CALN1: variants seen among roughly 807,000 people sequenced by gnomAD.
CALN1 encodes the protein calneuron 1, also known as calcium-binding protein 8.
In CALN1, 17 loss-of-function variants were observed where a neutral mutation model predicts 30.6. The ratio of observed to expected loss-of-function variants is 0.56; its 90% CI spans 0.38 to 0.83. CALN1 has a LOEUF of 0.83. CALN1 is among the 40% of genes least tolerant of loss of function. CALN1 has a pLI of 0.00. For synonymous variants in CALN1, 156 were observed against 131.4 expected (o/e 1.19, Z -1.28); for missense variants, 291 against 354.9 (o/e 0.82, Z 1.45).
At chr7:72,063,209 G>C (rs991109241) in intron 4 of CALN1, among the ~76,000 whole-genome samples, 1 of 152,132 alleles carries the variant, frequency 6.6e-6, no homozygotes, top group Non-Finnish European at 1.5e-5. Context: ...AAAATTCACA[G>C]AACGGTACAC....
chr7:71,788,494 T>TG (rs1793114665), intron 6 of CALN1, among the ~76,000 whole-genome samples: 1 of 146,388 alleles, frequency 6.8e-6, no homozygotes. Context: ...TTTTGTTGTT[T>TG]TTTTTTTTTT....
the CALN1 span, among the ~76,000 whole-genome samples, chr7:72,480,876 G>T: frequency 1.3e-5 from 2 of 151,930 alleles, no homozygotes; most frequent in Non-Finnish European, 2.9e-5. Flanking sequence ...AATCTCTAAC[G>T]ATGTCACCTC....
chr7:72,377,660 G>A lies in CALN1; in HGVS notation c.119+25591C>T, dbSNP rs74517725. ...AGTCTGTATTATTTGTCGTATGTGGGCATTGACAACTTTGTTCAGTTAGCT... is the reference window on the plus strand; with the variant it reads ...AGTCTGTATTATTTGTCGTATGTGGACATTGACAACTTTGTTCAGTTAGCT... On this transcript the variant is annotated intron_variant, in intron 2 of 6. Coordinates refer to ENST00000395275, the MANE Select transcript of CALN1 (RefSeq NM_031468.4). Among the ~76,000 whole-genome samples the A allele has an allele frequency of 2.3e-3, 352 of 152,178 alleles. 8 individuals are homozygous for A. In the East Asian group the frequency reaches 0.057, roughly 24 times the overall value.
intron 2 of CALN1, among the ~76,000 whole-genome samples, chr7:72,281,113 C>T (rs1797708592): frequency 6.6e-6 from 1 of 151,852 alleles, no homozygotes; most frequent in Non-Finnish European, 1.5e-5. Context: ...CATTGCTCTC[C>T]AGCCTGGGCA....
intron 2 of CALN1, among the ~76,000 whole-genome samples, chr7:72,398,454 A>G (rs904637086): frequency 6.6e-6 from 1 of 152,200 alleles, no homozygotes; most frequent in African/African-American, 2.4e-5. Context: ...AACATGAGTT[A>G]TTTTTAGATC....
intron 5 of CALN1, among the ~76,000 whole-genome samples, chr7:71,994,851 A>AT (rs564198396): frequency 0.23 from 27,920 of 123,072 alleles, 3,274 homozygotes; most frequent in Middle Eastern, 0.33. Flanking sequence ...GCCCCTTCCT[A>AT]TTTTTTTTTT....
chr7:72,057,749 A>G (rs375272702), intron 4 of CALN1, among the ~76,000 whole-genome samples: 131 of 152,196 alleles, frequency 8.6e-4, no homozygotes, highest in African/African-American at 3.0e-3. Context: ...TAATAAAATT[A>G]GTTGTATGAC....
chr7:72,411,054 A>C (rs1807101919), intron 1 of CALN1, among the ~76,000 whole-genome samples: 1 of 152,262 alleles, frequency 6.6e-6, no homozygotes. Context: ...AAGCATTAGA[A>C]TAAGACCAAC....
intron 1 of CALN1, among the ~76,000 whole-genome samples, chr7:72,433,090 T>C (rs888275197): frequency 6.6e-6 from 1 of 152,238 alleles, no homozygotes; most frequent in Non-Finnish European, 1.5e-5. Context: ...TCATTGGAGC[T>C]TGGGTGTCTT....
At chr7:71,852,462 C>T (rs1488395787) in intron 5 of CALN1, among the ~76,000 whole-genome samples, 1 of 139,586 alleles carries the variant, frequency 7.2e-6, no homozygotes, top group Non-Finnish European at 1.5e-5. Flanking sequence ...TATAGTGAGA[C>T]CCTGTCTCTA....
Position 72,349,282 on chromosome 7 carries a change from T to TTGTGTGTGTGTG in CALN1, c.119+53957_119+53968dup, listed in dbSNP as rs3032183. ...AGAGAGAGACTGTAAACACGCGTGC[T>TTGTGTGTGTGTG]TGTGTGTGTGTGTGTGTGTGTGTGT... On this transcript the variant is annotated intron_variant, in intron 2 of 6. Transcript: ENST00000395275. Among the ~76,000 whole-genome samples, 374 of 147,850 alleles carry TTGTGTGTGTGTG rather than the reference T, an allele frequency of 2.5e-3. 4 individuals are homozygous for TTGTGTGTGTGTG. The highest frequency in any genetic ancestry group is 7.7e-3 in the African/African-American group (309 of 39,926).
the CALN1 span, among the ~76,000 whole-genome samples, chr7:72,500,505 C>G: frequency 6.6e-6 from 1 of 151,540 alleles, no homozygotes; most frequent in South Asian, 2.1e-4. Flanking sequence ...GTCTCAAACT[C>G]CTAACCTCAA....
intron 3 of CALN1, among the ~76,000 whole-genome samples, chr7:72,245,515 A>C (rs1554336177): frequency 6.6e-6 from 1 of 152,130 alleles, no homozygotes; most frequent in Non-Finnish European, 1.5e-5. Flanking sequence ...GCTACTCAGG[A>C]GGCTGAAGCA....
At position 72,244,396 on chromosome 7, in the gene CALN1, A is replaced by T. The variant is rs187228501; in HGVS notation, c.244+34290T>A. Among the ~76,000 whole-genome samples, 743 of 152,346 alleles carry T rather than the reference A, an allele frequency of 4.9e-3. 8 individuals carry two copies. Among genetic ancestry groups the T allele is most frequent in the African/African-American group, 0.015 (633 of 41,588 alleles). On this transcript the variant is annotated intron_variant, in intron 3 of 6. Transcript: ENST00000395275. ...ATACCATATTAAGTTCCTACAACGT[A>T]CAAGACTGCTGTAAACAGGATTGAA...
chr7:72,306,711 A>C (rs1799679335), intron 2 of CALN1, among the ~76,000 whole-genome samples: 1 of 152,140 alleles, frequency 6.6e-6, no homozygotes, highest in African/African-American at 2.4e-5. Flanking sequence ...ATTTTGAGTT[A>C]TCCCCTCTTT....
intron 5 of CALN1, among the ~76,000 whole-genome samples, chr7:71,811,764 C>T (rs753294111): frequency 1.3e-5 from 2 of 151,476 alleles, no homozygotes; most frequent in Non-Finnish European, 2.9e-5. Flanking sequence ...CTGCAAACTC[C>T]ACCTCCCGGG....
At chr7:72,278,986 A>G (rs907578392) in intron 2 of CALN1, among the ~76,000 whole-genome samples, 176 bp from the exon 3 acceptor site, 6 of 152,190 alleles carry the variant, frequency 3.9e-5, no homozygotes, top group Non-Finnish European at 8.8e-5. Context: ...AGCAATTTCC[A>G]AAGGAATTCA....
At chr7:71,791,178 C>T (rs930059954) in intron 6 of CALN1, among the ~76,000 whole-genome samples, 2 of 152,110 alleles carry the variant, frequency 1.3e-5, no homozygotes, top group African/African-American at 4.8e-5. Context: ...TGGCATTGAT[C>T]TTTTTTATGG....
intron 5 of CALN1, among the ~76,000 whole-genome samples, chr7:71,928,931 C>T (rs1051525937): frequency 2.6e-5 from 4 of 151,882 alleles, no homozygotes; most frequent in Admixed American, 6.6e-5. Context: ...CCCCCAAACC[C>T]GCCAGCAACC....
Sources: gnomAD v4.1 joint callset for allele counts (sites outside exome capture counted in the v4.1 genomes callset) on GRCh38, gnomAD v4.1.1 for gene constraint, MANE v1.5 for transcripts, NCBI Gene and HGNC (gene_info 2026-07-23, HGNC 2026-07-21) for gene names.